Variants in C10orf90 observed in about 807,000 individuals in gnomAD.
C10orf90 encodes the protein chromosome 10 open reading frame 90.
A neutral mutation model predicts 62.5 loss-of-function variants in C10orf90; 56 were observed. The observed-to-expected ratio is 0.90, with a 90% CI of 0.72 to 1.12. The LOEUF (loss-of-function observed/expected upper bound fraction) is 1.12, where lower values mean the gene tolerates loss of function less well. Among genes scored for constraint, C10orf90 ranks in the 50% most tolerant of loss-of-function variants. C10orf90 has a pLI of 0.00. For missense variants in C10orf90, 970 were observed against 880.4 expected (o/e 1.10, Z -1.29); for synonymous variants, 386 against 340.4 (o/e 1.13, Z -1.47).
chr10:126,670,612 C>A lies in C10orf90; in HGVS notation c.-132G>T. The A allele has an allele frequency of 2.8e-6, 1 of 359,732 alleles. No homozygotes were observed. The highest frequency in any genetic ancestry group is 2.2e-5 in the African/African-American group (1 of 45,788). 22.3% of individuals were successfully genotyped at this position (359,732 alleles called of 1,614,324 possible). A position where few individuals can be genotyped will look rare whatever the true frequency, so the allele number is the denominator to read the frequency against. ...TCGGACCTGTCCCAGTGTTTTCCAACTCCAGAGCTAGTTGTCTCAATATCC... is the reference window on the plus strand; with the variant it reads ...TCGGACCTGTCCCAGTGTTTTCCAAATCCAGAGCTAGTTGTCTCAATATCC... On this transcript the variant is annotated 5_prime_UTR_variant, in exon 1 of 10. Coordinates refer to ENST00000488181, the MANE Select transcript of C10orf90 (RefSeq NM_001350921.2).
At chr10:126,634,072 G>C (rs1845902929) in intron 2 of C10orf90, among the ~76,000 whole-genome samples, 1 of 152,166 alleles carries the variant, frequency 6.6e-6, no homozygotes, top group African/African-American at 2.4e-5. Flanking sequence ...ACAATGTGGA[G>C]TTTCCTTAAA....
intron 7 of C10orf90, among the ~76,000 whole-genome samples, chr10:126,430,215 C>A (rs149708728): frequency 6.6e-6 from 1 of 152,162 alleles, no homozygotes; most frequent in Admixed American, 6.5e-5. Flanking sequence ...GTCTGTGAGG[C>A]CTCTAAGGAC....
chr10:126,572,614 C>T (rs1844529663), intron 2 of C10orf90, among the ~76,000 whole-genome samples: 1 of 152,092 alleles, frequency 6.6e-6, no homozygotes, highest in South Asian at 2.1e-4. Flanking sequence ...CTCTCCTCAC[C>T]ATTTTGGTTT....
intron 2 of C10orf90, among the ~76,000 whole-genome samples, chr10:126,518,747 G>A (rs1473909145): frequency 6.6e-6 from 1 of 152,082 alleles, no homozygotes. Context: ...AAGATGACTG[G>A]AAGGATTGCA....
chr10:126,552,543 A>G (rs1195883881), intron 2 of C10orf90, among the ~76,000 whole-genome samples: 1 of 152,184 alleles, frequency 6.6e-6, no homozygotes, highest in Non-Finnish European at 1.5e-5. Context: ...TCTCGCTGCA[A>G]AGACCAGACT....
At chr10:126,465,111 T>A in intron 4 of C10orf90, 125 bp from the exon 5 acceptor site, 1 of 921,198 alleles carries the variant, frequency 1.1e-6, no homozygotes, top group Non-Finnish European at 1.6e-6. Context: ...GCAAGTTCAG[T>A]TAGGAGGGCC....
At chr10:126,460,336 A>G (rs1027516288) in intron 6 of C10orf90, among the ~76,000 whole-genome samples, 10 of 152,238 alleles carry the variant, frequency 6.6e-5, no homozygotes, top group African/African-American at 2.2e-4. Flanking sequence ...GGAGTCCTGC[A>G]TGTATATGCT....
chr10:126,666,451 A>G (rs978018548), intron 1 of C10orf90, among the ~76,000 whole-genome samples: 1 of 152,200 alleles, frequency 6.6e-6, no homozygotes, highest in Admixed American at 6.5e-5. Flanking sequence ...AGGAAAATCA[A>G]TCACTAGAAA....
At chr10:126,451,842 C>T (rs140292528) in intron 7 of C10orf90, among the ~76,000 whole-genome samples, 2 of 152,052 alleles carry the variant, frequency 1.3e-5, no homozygotes, top group African/African-American at 4.8e-5. Flanking sequence ...AAGACAAATA[C>T]TGTATGATCT....
chr10:126,639,973 C>T (rs1326061840), intron 2 of C10orf90, among the ~76,000 whole-genome samples: 1 of 152,158 alleles, frequency 6.6e-6, no homozygotes, highest in Non-Finnish European at 1.5e-5. Flanking sequence ...CACAGCGGCT[C>T]TTCATAAGAG....
intron 4 of C10orf90, among the ~76,000 whole-genome samples, chr10:126,488,320 C>T (rs1386200356): frequency 6.6e-6 from 1 of 151,936 alleles, no homozygotes; most frequent in South Asian, 2.1e-4. Context: ...TGAGTATATG[C>T]AGAAAATATT....
chr10:126,522,031 G>A (rs982173638), intron 2 of C10orf90, among the ~76,000 whole-genome samples: 16 of 152,208 alleles, frequency 1.1e-4, no homozygotes, highest in Non-Finnish European at 1.8e-4. Flanking sequence ...CACTTTGGGA[G>A]GCCAAGGTGG....
intron 2 of C10orf90, among the ~76,000 whole-genome samples, chr10:126,609,419 T>C (rs181587879): frequency 2.6e-4 from 39 of 152,218 alleles, no homozygotes; most frequent in African/African-American, 7.5e-4. Context: ...ACAAAAAAGG[T>C]ATGTGAATCA....
chr10:126,642,823 A>G (rs1401929294), intron 2 of C10orf90, among the ~76,000 whole-genome samples: 2 of 152,140 alleles, frequency 1.3e-5, no homozygotes, highest in African/African-American at 4.8e-5. Flanking sequence ...TCTCACACGT[A>G]GAGTTTCCAA....
At chr10:126,586,268 T>C (rs1351314879) in intron 2 of C10orf90, among the ~76,000 whole-genome samples, 1 of 152,224 alleles carries the variant, frequency 6.6e-6, no homozygotes, top group Non-Finnish European at 1.5e-5. Flanking sequence ...GAAAGAGATA[T>C]GAGGACGCTG....
chr10:126,498,492 T>A (rs1340043421), intron 4 of C10orf90, among the ~76,000 whole-genome samples: 1 of 152,216 alleles, frequency 6.6e-6, no homozygotes, highest in Non-Finnish European at 1.5e-5. Flanking sequence ...GCCCCAGGTC[T>A]AGCCTAGCAA....
At chr10:126,646,334 A>AC (rs1251083087) in intron 2 of C10orf90, among the ~76,000 whole-genome samples, 4 of 152,190 alleles carry the variant, frequency 2.6e-5, no homozygotes, top group African/African-American at 9.6e-5. Context: ...TCCCAAAGGC[A>AC]CCCCTGAAGT....
chr10:126,501,467 T>A (rs925380236), intron 4 of C10orf90, among the ~76,000 whole-genome samples: 3 of 152,198 alleles, frequency 2.0e-5, no homozygotes, highest in Middle Eastern at 3.2e-3. Context: ...CAGGGCTCTG[T>A]GGCTTTGGAC....
chr10:126,462,439 G>A (rs1041865486), intron 5 of C10orf90, among the ~76,000 whole-genome samples: 2 of 152,088 alleles, frequency 1.3e-5, no homozygotes, highest in African/African-American at 4.8e-5. Context: ...CCACCCTCCA[G>A]GCTGAGTCCA....
Sources: allele counts gnomAD v4.1 joint callset (sites outside exome capture counted in the v4.1 genomes callset), GRCh38; gene constraint gnomAD v4.1.1; transcripts MANE v1.5; gene names NCBI Gene and HGNC (gene_info 2026-07-23, HGNC 2026-07-21).